NKAIN2: variants seen among roughly 807,000 people sequenced by gnomAD.
NKAIN2 encodes sodium/potassium transporting ATPase interacting 2, also known as sodium/potassium-transporting ATPase subunit beta-1-interacting protein 2.
NKAIN2 carries 14 observed loss-of-function variants against 32.6 expected under a neutral mutation model. The observed-to-expected ratio is 0.43, with a 90% CI of 0.28 to 0.67. The LOEUF (loss-of-function observed/expected upper bound fraction) is 0.67. NKAIN2 is among the 30% of genes least tolerant of loss of function. The probability of loss-of-function intolerance (pLI) is 0.17; values close to 1 mark genes in which losing one functional copy is unlikely to be tolerated. For missense variants in NKAIN2, 198 were observed against 258.3 expected (o/e 0.77, Z 1.60); for synonymous variants, 80 against 87.2 (o/e 0.92, Z 0.46).
At chr6:124,778,729 G>A (rs887768615) in intron 4 of NKAIN2, among the ~76,000 whole-genome samples, 2 of 151,790 alleles carry the variant, frequency 1.3e-5, no homozygotes, top group Non-Finnish European at 2.9e-5. Flanking sequence ...TTTAGAAGGC[G>A]ATTCCAAAAA....
At chr6:124,190,262 A>G (rs1357922142) in intron 1 of NKAIN2, among the ~76,000 whole-genome samples, 2 of 152,224 alleles carry the variant, frequency 1.3e-5, no homozygotes, top group African/African-American at 4.8e-5. Flanking sequence ...TTACAGGGTT[A>G]TCCTGAGGCT....
At chr6:124,317,353 T>C (rs1375348106) in intron 2 of NKAIN2, among the ~76,000 whole-genome samples, 1 of 152,146 alleles carries the variant, frequency 6.6e-6, no homozygotes. Context: ...AAAGTCTGTG[T>C]CTGGAGTGTG....
At chr6:124,266,364 A>G (rs1474749323) in intron 1 of NKAIN2, among the ~76,000 whole-genome samples, 1 of 152,002 alleles carries the variant, frequency 6.6e-6, no homozygotes, top group African/African-American at 2.4e-5. Flanking sequence ...TTTAGCCTCG[A>G]CTTCTTGAGC....
At chr6:124,167,670 C>T (rs1043180861) in intron 1 of NKAIN2, among the ~76,000 whole-genome samples, 8 of 152,022 alleles carry the variant, frequency 5.3e-5, no homozygotes, top group Non-Finnish European at 1.0e-4. Flanking sequence ...ATAGATAGCT[C>T]TTATTATTTT....
chr6:124,022,264 T>C (rs1338827588), intron 1 of NKAIN2, among the ~76,000 whole-genome samples: 1 of 152,214 alleles, frequency 6.6e-6, no homozygotes, highest in East Asian at 1.9e-4. Flanking sequence ...ATGGTGTATA[T>C]GTGCCACATT....
intron 3 of NKAIN2, among the ~76,000 whole-genome samples, chr6:124,410,245 G>A (rs1774095478): frequency 6.6e-6 from 1 of 151,926 alleles, no homozygotes; most frequent in South Asian, 2.1e-4. Context: ...GCTTTTGAAT[G>A]TGTTTGCTCT....
chr6:124,301,135 G>T (rs1228620307), intron 2 of NKAIN2, among the ~76,000 whole-genome samples: 1 of 152,098 alleles, frequency 6.6e-6, no homozygotes, highest in Non-Finnish European at 1.5e-5. Flanking sequence ...TGCCACCTAG[G>T]GACTTGCTGC....
At chr6:123,953,506 T>C (rs964154110) in intron 1 of NKAIN2, among the ~76,000 whole-genome samples, 8 of 152,152 alleles carry the variant, frequency 5.3e-5, no homozygotes, top group African/African-American at 1.9e-4. Flanking sequence ...GGTGGTGTTG[T>C]TAGTGGCTGT....
chr6:124,412,876 G>T (rs1047293587), intron 3 of NKAIN2, among the ~76,000 whole-genome samples: 1 of 152,184 alleles, frequency 6.6e-6, no homozygotes, highest in Non-Finnish European at 1.5e-5. Context: ...GGCAATGGCG[G>T]GCGCCCCTCC....
At chr6:124,815,225 C>CACATATAT (rs376199421) in intron 5 of NKAIN2, among the ~76,000 whole-genome samples, 1 of 136,994 alleles carries the variant, frequency 7.3e-6, no homozygotes, top group East Asian at 2.1e-4. Context: ...TATATATATA[C>CACATATAT]ATATATATAT....
chr6:124,424,638 T>C (rs1044890310), intron 3 of NKAIN2, among the ~76,000 whole-genome samples: 1 of 152,212 alleles, frequency 6.6e-6, no homozygotes. Flanking sequence ...TATTTTCTTT[T>C]TTAGATTCAA....
intron 3 of NKAIN2, among the ~76,000 whole-genome samples, chr6:124,400,490 T>C (rs1254112887): frequency 6.6e-6 from 1 of 152,132 alleles, no homozygotes; most frequent in African/African-American, 2.4e-5. Flanking sequence ...TGGCTTGATA[T>C]AGTCACAAGC....
At chr6:124,747,177 T>C (rs1777487751) in intron 4 of NKAIN2, among the ~76,000 whole-genome samples, 1 of 151,832 alleles carries the variant, frequency 6.6e-6, no homozygotes, top group Non-Finnish European at 1.5e-5. Flanking sequence ...CCAAGCTGAG[T>C]GATGCTGAAT....
chr6:124,753,544 C>T (rs1162100575), intron 4 of NKAIN2, among the ~76,000 whole-genome samples: 1 of 151,938 alleles, frequency 6.6e-6, no homozygotes, highest in Non-Finnish European at 1.5e-5. Flanking sequence ...TATGCATGGA[C>T]CACAATGGGC....
At chr6:124,779,381 A>ATC (rs1779157787) in intron 4 of NKAIN2, among the ~76,000 whole-genome samples, 1 of 146,830 alleles carries the variant, frequency 6.8e-6, no homozygotes, top group African/African-American at 2.5e-5. Flanking sequence ...GGAAGGAAGG[A>ATC]AGTCCTCCTG....
chr6:124,342,978 C>T (rs1302630226), intron 2 of NKAIN2, among the ~76,000 whole-genome samples: 2 of 116,130 alleles, frequency 1.7e-5, no homozygotes, highest in African/African-American at 6.4e-5. Context: ...CTATCCCTTC[C>T]CCCTCCCCCC....
intron 5 of NKAIN2, 69 bp downstream of exon 5, chr6:124,791,468 C>A (rs877058): frequency 0.16 from 157,683 of 1,001,784 alleles, 15,617 homozygotes; most frequent in East Asian, 0.49. Context: ...CCTACTTAGC[C>A]TTCCTATTCC....
chr6:123,838,343 A>G (rs1774717830), intron 1 of NKAIN2, among the ~76,000 whole-genome samples: 1 of 152,114 alleles, frequency 6.6e-6, no homozygotes, highest in Non-Finnish European at 1.5e-5. Flanking sequence ...ATGAATCTAT[A>G]TTTTGCTGCT....
At chr6:124,246,113 C>T (rs1793381655) in intron 1 of NKAIN2, among the ~76,000 whole-genome samples, 1 of 151,980 alleles carries the variant, frequency 6.6e-6, no homozygotes, top group Admixed American at 6.6e-5. Context: ...GCATTTTTCT[C>T]TGTTTTAACC....
Sources: allele counts gnomAD v4.1 joint callset (sites outside exome capture counted in the v4.1 genomes callset), GRCh38; gene constraint gnomAD v4.1.1; transcripts MANE v1.5; gene names NCBI Gene and HGNC (gene_info 2026-07-23, HGNC 2026-07-21).